The following NANOS1 variants were observed in gnomAD, a reference collection of about 807,000 sequenced individuals.
NANOS1 encodes nanos homolog 1.
NANOS1 carries 1 observed loss-of-function variant against 1.1 expected under a neutral mutation model. The ratio of observed to expected loss-of-function variants is 0.88; its 90% confidence interval spans 0.31 to 4.20. NANOS1 has a LOEUF of 4.20. Ranked by LOEUF, NANOS1 falls within the 30% of genes most tolerant of loss-of-function variation. The pLI is 0.17. For synonymous variants in NANOS1, 252 were observed against 230.6 expected (o/e 1.09, Z -0.84); for missense variants, 537 against 457.9 (o/e 1.17, Z -1.58).
In NANOS1 at chr10:119,029,753, C is replaced by T; in HGVS notation, c.-49C>T. On this transcript the variant is annotated 5_prime_UTR_variant, in exon 1 of 1. Coordinates refer to ENST00000425699, the MANE Select transcript of NANOS1 (RefSeq NM_199461.4). Reference sequence around the variant, plus strand: ...GGCAGGCTCGGCGTGTCCCTTCCGTCCGGCCCGCGCCGGCGGCGGGGAGGC... The same window carrying T: ...GGCAGGCTCGGCGTGTCCCTTCCGTTCGGCCCGCGCCGGCGGCGGGGAGGC... The T allele has an allele frequency of 2.1e-6, 2 of 963,874 alleles. No homozygotes were observed. The highest frequency in any genetic ancestry group is 2.5e-6 in the Non-Finnish European group (2 of 812,962). The allele number at this position is 963,874 out of a possible 1,614,324, so 59.7% of individuals were successfully genotyped here.
chr10:119,030,691 T>A lies in NANOS1; in HGVS notation c.*11T>A, dbSNP rs948861507. 2 of 1,285,254 alleles carry A rather than the reference T, an allele frequency of 1.6e-6. No homozygotes were observed. Among genetic ancestry groups the A allele is most frequent in the African/African-American group, 3.1e-5 (2 of 63,914 alleles). The allele number at this position is 1,285,254 out of a possible 1,614,324, so 79.6% of individuals were successfully genotyped here. On this transcript the variant is annotated 3_prime_UTR_variant, in exon 1 of 1. Transcript: ENST00000425699. This position sits in a 1 kb window ranked among gnomAD's most constrained non-coding sequence, Gnocchi z 5.3. Reference sequence around the variant, plus strand: ...AAGAAGCTGCGCTGAAGGCCCGGGCTCCCGGCCGCCCAGGGTCGCCGCCGC... The same window carrying A: ...AAGAAGCTGCGCTGAAGGCCCGGGCACCCGGCCGCCCAGGGTCGCCGCCGC...
chr10:119,030,389 C>T lies in NANOS1; in HGVS notation c.588C>T (p.His196=), dbSNP rs1304782221. The change falls in exon 1 of 1, where the codon CAC becomes CAT. Residue 196 remains histidine (H), a synonymous_variant. Transcript: ENST00000425699. The surrounding 1 kb of genome is among the most constrained non-coding windows in gnomAD (Gnocchi z 5.3). ...APAWAAEPRL[H]AASGAAAARL... is the part of the protein sequence containing the mutation. ...CGTGGGCGGCCGAGCCCCGGCTGCA[C>T]GCGGCCTCCGGGGCGGCGGCCGCCC... The T allele has an allele frequency of 1.2e-5, 15 of 1,254,086 alleles. No homozygotes were observed. Among genetic ancestry groups the T allele is most frequent in the East Asian group, 3.6e-5 (1 of 27,946 alleles). 77.7% of individuals were successfully genotyped at this position (1,254,086 alleles called of 1,614,324 possible).
rs1490748705 is a variant in NANOS1, at chr10:119,031,279, G to C, written c.*599G>C. ...TTTGTAAACTTTCCAGTATTAATTT[G>C]GGCGGGTATTCCCCGCTTGTGGCTT... On this transcript the variant is annotated 3_prime_UTR_variant, in exon 1 of 1. Transcript: ENST00000425699. 1 of 167,094 alleles carries C rather than the reference G, an allele frequency of 6.0e-6. No homozygotes were observed. Among genetic ancestry groups the C allele is most frequent in the African/African-American group, 2.4e-5 (1 of 41,456 alleles). 10.4% of individuals were successfully genotyped at this position (167,094 alleles called of 1,614,324 possible). A position where few individuals can be genotyped will look rare whatever the true frequency, so the allele number is the denominator to read the frequency against.
In NANOS1 at chr10:119,030,739, C is replaced by A. The variant is rs1387106521; in HGVS notation, c.*59C>A. 7 of 1,252,448 alleles carry A rather than the reference C, an allele frequency of 5.6e-6. 1 individual carries two copies. The East Asian group carries it at 2.3e-4, about 42-fold the overall frequency. The allele number at this position is 1,252,448 out of a possible 1,614,324, so 77.6% of individuals were successfully genotyped here. On this transcript the variant is annotated 3_prime_UTR_variant, in exon 1 of 1. Coordinates refer to ENST00000425699, the MANE Select transcript of NANOS1 (RefSeq NM_199461.4). This position sits in a 1 kb window ranked among gnomAD's most constrained non-coding sequence, Gnocchi z 5.3. ...CGCCCCTCGCACCGCTAGGTCTGCG[C>A]ACCATCTCGCCCCCGCCGTGGGGAG... is the stretch of plus-strand genomic sequence containing the variant.
Position 119,031,069 on chromosome 10 carries a change from G to A in NANOS1, c.*389G>A, listed in dbSNP as rs1178661939. 5.1e-6 allele frequency: 1 copy of A among 195,198 alleles called. No homozygotes were observed. The highest frequency in any genetic ancestry group is 1.1e-5 in the Non-Finnish European group (1 of 87,150). 12.1% of individuals were successfully genotyped at this position (195,198 alleles called of 1,614,324 possible). A position where few individuals can be genotyped will look rare whatever the true frequency, so the allele number is the denominator to read the frequency against. ...TTTATGAATGGAGGCACTTTACTAG[G>A]TCTAGAATATTTTTTTAAAAGCCTC... On this transcript the variant is annotated 3_prime_UTR_variant, in exon 1 of 1. Coordinates refer to ENST00000425699, the MANE Select transcript of NANOS1 (RefSeq NM_199461.4).
chr10:119,030,408 G>A lies in NANOS1; in HGVS notation c.607G>A (p.Ala203Thr). 21 of 1,363,250 alleles carry A rather than the reference G, an allele frequency of 1.5e-5. No individual in the cohort carries two copies. The highest frequency in any genetic ancestry group is 1.9e-5 in the Non-Finnish European group (20 of 1,053,568). 84.4% of individuals were successfully genotyped at this position (1,363,250 alleles called of 1,614,324 possible). ...GCTGCACGCGGCCTCCGGGGCGGCG[G>A]CCGCCCGGCTGCTGAAGCCCGAGCT... is the stretch of plus-strand genomic sequence containing the variant. ...PRLHAASGAAAARLLKPELQV... is the reference protein window; with the variant it reads ...PRLHAASGAATARLLKPELQV... The change falls in exon 1 of 1, where the codon GCC becomes ACC. Residue 203 changes from alanine to threonine, a missense_variant. Physicochemically the swap from Ala to Thr is moderately conservative, Grantham distance 58 (BLOSUM62 0). Transcript: ENST00000425699. The surrounding 1 kb of genome is among the most constrained non-coding windows in gnomAD (Gnocchi z 5.3).
Position 119,030,399 on chromosome 10 carries a change from G to T in NANOS1, c.598G>T (p.Gly200Trp). 8.8e-7 allele frequency: 1 copy of T among 1,140,876 alleles called. No individual in the cohort carries two copies. The highest frequency in any genetic ancestry group is 1.1e-6 in the Non-Finnish European group (1 of 916,696). The allele number at this position is 1,140,876 out of a possible 1,614,324, so 70.7% of individuals were successfully genotyped here. Residue 200 changes from glycine to tryptophan, a missense_variant, in exon 1 of 1, where the codon GGG (glycine) becomes TGG (tryptophan). Coordinates refer to ENST00000425699, the MANE Select transcript of NANOS1 (RefSeq NM_199461.4). The surrounding 1 kb of genome is among the most constrained non-coding windows in gnomAD (Gnocchi z 5.3). ...AAEPRLHAASGAAAARLLKPE... is the reference protein window; with the variant it reads ...AAEPRLHAASWAAAARLLKPE... Reference sequence around the variant, plus strand: ...CGAGCCCCGGCTGCACGCGGCCTCCGGGGCGGCGGCCGCCCGGCTGCTGAA... The same window carrying T: ...CGAGCCCCGGCTGCACGCGGCCTCCTGGGCGGCGGCCGCCCGGCTGCTGAA...
Position 119,030,053 on chromosome 10 carries a change from C to A in NANOS1, c.252C>A (p.Cys84Ter). ...GSPPSSSSSS[C>*]CSPHTGAGPG... is the part of the protein sequence containing the mutation. The stretch of plus-strand genomic sequence containing the variant: ...CGCCCTCCTCCTCCTCGTCGTCCTG[C>A]TGCTCCCCCCACACGGGGGCCGGGC... The change falls in exon 1 of 1, where the codon TGC (cysteine) becomes TGA (stop). Residue 84 changes from cysteine to a stop codon, truncating the protein, a stop_gained. Coordinates refer to ENST00000425699, the MANE Select transcript of NANOS1 (RefSeq NM_199461.4). LOFTEE classifies it low-confidence loss of function (END_TRUNC). This position sits in a 1 kb window ranked among gnomAD's most constrained non-coding sequence, Gnocchi z 5.3. The A allele has an allele frequency of 7.4e-7, 1 of 1,344,726 alleles. No homozygotes were observed. The highest frequency in any genetic ancestry group is 9.5e-7 in the Non-Finnish European group (1 of 1,049,490). 83.3% of individuals were successfully genotyped at this position (1,344,726 alleles called of 1,614,324 possible). A position where few individuals can be genotyped will look rare whatever the true frequency, so the allele number is the denominator to read the frequency against.
chr10:119,030,575 C>T lies in NANOS1; in HGVS notation c.774C>T (p.Asn258=), dbSNP rs774022234. Reference sequence around the variant, plus strand: ...CCCTGTGCGGCGCCAGCGGCGACAACGCGCACACCATCAAGTACTGCCCGC... The same window carrying T: ...CCCTGTGCGGCGCCAGCGGCGACAATGCGCACACCATCAAGTACTGCCCGC... The part of the protein sequence containing the change: ...TCPLCGASGD[N]AHTIKYCPLS... Residue 258 remains asparagine (N), a synonymous_variant, in exon 1 of 1, where the codon AAC becomes AAT. Coordinates refer to ENST00000425699, the MANE Select transcript of NANOS1 (RefSeq NM_199461.4). This position sits in a 1 kb window ranked among gnomAD's most constrained non-coding sequence, Gnocchi z 5.3. 8 of 1,528,428 alleles carry T rather than the reference C, an allele frequency of 5.2e-6. No individual in the cohort carries two copies. The highest frequency in any genetic ancestry group is 2.7e-5 in the East Asian group (1 of 37,566). The allele number at this position is 1,528,428 out of a possible 1,614,324, so 94.7% of individuals were successfully genotyped here.
In NANOS1 at chr10:119,030,837, AGT is replaced by A; in HGVS notation, c.*158_*159del. 9.6e-7 allele frequency: 1 copy of A among 1,046,566 alleles called. No homozygotes were observed. Among genetic ancestry groups the A allele is most frequent in the Non-Finnish European group, 1.2e-6 (1 of 812,248 alleles). 64.8% of individuals were successfully genotyped at this position (1,046,566 alleles called of 1,614,324 possible). A position where few individuals can be genotyped will look rare whatever the true frequency, so the allele number is the denominator to read the frequency against. On this transcript the variant is annotated 3_prime_UTR_variant, in exon 1 of 1. Transcript: ENST00000425699. This position sits in a 1 kb window ranked among gnomAD's most constrained non-coding sequence, Gnocchi z 5.3. The stretch of plus-strand genomic sequence containing the variant: ...TTTTGAAAAGCAGCCGACCGTGTGG[AGT>A]ACTTCCGTGCTGAACGATTGGGACT...
Position 119,030,747 on chromosome 10 carries a change from C to T in NANOS1, c.*67C>T. The T allele has an allele frequency of 8.0e-7, 1 of 1,244,722 alleles. No individual in the cohort carries two copies. Among genetic ancestry groups the T allele is most frequent in the East Asian group, 3.4e-5 (1 of 29,684 alleles). 77.1% of individuals were successfully genotyped at this position (1,244,722 alleles called of 1,614,324 possible). A position where few individuals can be genotyped will look rare whatever the true frequency, so the allele number is the denominator to read the frequency against. On this transcript the variant is annotated 3_prime_UTR_variant, in exon 1 of 1. Transcript: ENST00000425699. The surrounding 1 kb of genome is among the most constrained non-coding windows in gnomAD (Gnocchi z 5.3). The stretch of plus-strand genomic sequence containing the variant: ...GCACCGCTAGGTCTGCGCACCATCT[C>T]GCCCCCGCCGTGGGGAGGCGTGCGG...
rs1848056930 is a variant in NANOS1, at chr10:119,031,997, G to A, written c.*1317G>A. 6.0e-6 allele frequency: 1 copy of A among 167,050 alleles called. No homozygotes were observed. The highest frequency in any genetic ancestry group is 1.5e-5 in the Non-Finnish European group (1 of 68,128). The allele number at this position is 167,050 out of a possible 1,614,324, so 10.3% of individuals were successfully genotyped here. ...CCCTCACTTTTAAATCCACCATACT[G>A]AATGCCACACTATGGAATGCAGCTA... On this transcript the variant is annotated 3_prime_UTR_variant, in exon 1 of 1. Coordinates refer to ENST00000425699, the MANE Select transcript of NANOS1 (RefSeq NM_199461.4).
Position 119,030,559 on chromosome 10 carries a change from G to A in NANOS1, c.758G>A (p.Gly253Asp). 6.5e-7 allele frequency: 1 copy of A among 1,529,824 alleles called. No homozygotes were observed. The highest frequency in any genetic ancestry group is 8.7e-7 in the Non-Finnish European group (1 of 1,143,444). 94.8% of individuals were successfully genotyped at this position (1,529,824 alleles called of 1,614,324 possible). The change falls in exon 1 of 1, where the codon GGC becomes GAC. Residue 253 changes from glycine to aspartate, a missense_variant. Coordinates refer to ENST00000425699, the MANE Select transcript of NANOS1 (RefSeq NM_199461.4). The surrounding 1 kb of genome is among the most constrained non-coding windows in gnomAD (Gnocchi z 5.3). ...VLRRYTCPLC[G>D]ASGDNAHTIK... is the part of the protein sequence containing the mutation. ...CGCCGCTACACGTGTCCCCTGTGCGGCGCCAGCGGCGACAACGCGCACACC... is the reference window on the plus strand; with the variant it reads ...CGCCGCTACACGTGTCCCCTGTGCGACGCCAGCGGCGACAACGCGCACACC...
At position 119,030,822 on chromosome 10, in the gene NANOS1, C is replaced by A; in HGVS notation, c.*142C>A. 8.7e-7 allele frequency: 1 copy of A among 1,153,570 alleles called. No individual in the cohort carries two copies. Among genetic ancestry groups the A allele is most frequent in the Non-Finnish European group, 1.1e-6 (1 of 909,766 alleles). The allele number at this position is 1,153,570 out of a possible 1,614,324, so 71.5% of individuals were successfully genotyped here. On this transcript the variant is annotated 3_prime_UTR_variant, in exon 1 of 1. Transcript: ENST00000425699. The surrounding 1 kb of genome is among the most constrained non-coding windows in gnomAD (Gnocchi z 5.3). ...CGTCGTCCTGGTGGTTTTTGAAAAG[C>A]AGCCGACCGTGTGGAGTACTTCCGT...
In NANOS1 at chr10:119,029,747, T is replaced by C. The variant is rs982810760; in HGVS notation, c.-55T>C. On this transcript the variant is annotated 5_prime_UTR_variant, in exon 1 of 1. Coordinates refer to ENST00000425699, the MANE Select transcript of NANOS1 (RefSeq NM_199461.4). The stretch of plus-strand genomic sequence containing the variant: ...CCGGCGGGCAGGCTCGGCGTGTCCC[T>C]TCCGTCCGGCCCGCGCCGGCGGCGG... The C allele has an allele frequency of 1.1e-4, 102 of 946,964 alleles. No individual in the cohort carries two copies. Among genetic ancestry groups the C allele is most frequent in the Non-Finnish European group, 1.2e-4 (94 of 798,236 alleles). 58.7% of individuals were successfully genotyped at this position (946,964 alleles called of 1,614,324 possible).
Position 119,030,135 on chromosome 10 carries a change from G to A in NANOS1, c.334G>A (p.Asp112Asn). The A allele has an allele frequency of 7.4e-7, 1 of 1,347,098 alleles. No homozygotes were observed. Among genetic ancestry groups the A allele is most frequent in the Non-Finnish European group, 9.5e-7 (1 of 1,053,174 alleles). The allele number at this position is 1,347,098 out of a possible 1,614,324, so 83.4% of individuals were successfully genotyped here. Reference protein sequence around the residue: ...PPDYDEDDDDDSDEPGSRGRY... With the variant: ...PPDYDEDDDDNSDEPGSRGRY... Reference sequence around the variant, plus strand: ...CGACTACGACGAGGACGACGACGACGACAGCGACGAGCCGGGGTCCCGGGG... The same window carrying A: ...CGACTACGACGAGGACGACGACGACAACAGCGACGAGCCGGGGTCCCGGGG... Residue 112 changes from aspartate (D) to asparagine (N), a missense_variant, in exon 1 of 1, where the codon GAC becomes AAC. Transcript: ENST00000425699. The surrounding 1 kb of genome is among the most constrained non-coding windows in gnomAD (Gnocchi z 5.3).
rs1266896409 is a variant in NANOS1, at chr10:119,030,792, T to C, written c.*112T>C. The stretch of plus-strand genomic sequence containing the variant: ...GTGCGGCTCAGCGGTCGGCTCGACA[T>C]GGGACGTCGTCCTGGTGGTTTTTGA... On this transcript the variant is annotated 3_prime_UTR_variant, in exon 1 of 1. Coordinates refer to ENST00000425699, the MANE Select transcript of NANOS1 (RefSeq NM_199461.4). The surrounding 1 kb of genome is among the most constrained non-coding windows in gnomAD (Gnocchi z 5.3). The C allele has an allele frequency of 8.2e-7, 1 of 1,223,548 alleles. No homozygotes were observed. The highest frequency in any genetic ancestry group is 1.0e-6 in the Non-Finnish European group (1 of 973,052). The allele number at this position is 1,223,548 out of a possible 1,614,324, so 75.8% of individuals were successfully genotyped here.
chr10:119,032,247 GGT>G lies in NANOS1; in HGVS notation c.*1572_*1573del, dbSNP rs1455792842. ...ACTCAATCAGGAACCTTCATTTGAA[GGT>G]GTGTTAGAGGATGGGGTAAATACCC... On this transcript the variant is annotated 3_prime_UTR_variant, in exon 1 of 1. Coordinates refer to ENST00000425699, the MANE Select transcript of NANOS1 (RefSeq NM_199461.4). The G allele has an allele frequency of 1.2e-5, 2 of 162,248 alleles. No individual in the cohort carries two copies. Among genetic ancestry groups the G allele is most frequent in the Non-Finnish European group, 3.0e-5 (2 of 65,852 alleles). 10.1% of individuals were successfully genotyped at this position (162,248 alleles called of 1,614,324 possible).
rs932535239 is a variant in NANOS1, at chr10:119,033,102, A to C, written c.*2422A>C. 7.2e-5 allele frequency: 12 copies of C among 166,800 alleles called. No individual in the cohort carries two copies. Among genetic ancestry groups the C allele is most frequent in the African/African-American group, 2.9e-4 (12 of 41,506 alleles). 10.3% of individuals were successfully genotyped at this position (166,800 alleles called of 1,614,324 possible). A position where few individuals can be genotyped will look rare whatever the true frequency, so the allele number is the denominator to read the frequency against. The stretch of plus-strand genomic sequence containing the variant: ...TCCCAGCTCCTCAGGAGGCTGAGGC[A>C]GGAGAATTGCTTGAAACCAGGAGGC... On this transcript the variant is annotated 3_prime_UTR_variant, in exon 1 of 1. Transcript: ENST00000425699.
Sources: gnomAD v4.1 joint callset for allele counts on GRCh38, gnomAD v4.1.1 for gene constraint, Gnocchi (gnomAD v3.1) non-coding constraint, MANE v1.5 for transcripts, NCBI Gene and HGNC (gene_info 2026-07-23, HGNC 2026-07-21) for gene names.